PEX5: variants seen among roughly 807,000 people sequenced by gnomAD.
PEX5 encodes the protein peroxisomal biogenesis factor 5, also known as PTS1 receptor.
A neutral mutation model predicts 82.9 loss-of-function variants in PEX5; 52 were observed. That is an observed-to-expected ratio of 0.63 (90% CI 0.50 to 0.79). The LOEUF (loss-of-function observed/expected upper bound fraction) is 0.79. Among genes scored for constraint, PEX5 ranks in the 30% least tolerant of loss-of-function variants. The pLI is 0.00. For synonymous variants in PEX5, 300 were observed against 318.8 expected, an observed-to-expected ratio of 0.94 and a Z score of 0.63; for missense variants, 719 against 815.2, an observed-to-expected ratio of 0.88 and a Z score of 1.44.
rs767347186 is a variant in PEX5, at chr12:7,202,268, G to A, written c.670G>A (p.Glu224Lys). Residue 224 changes from glutamate to lysine, a missense_variant, in exon 8 of 16, where the codon GAA becomes AAA. By Grantham distance (56) the Glu-to-Lys change is moderately conservative. Transcript: ENST00000675855. ...CCTGAAATTCGTGCGGCAGATTGGCGAAGGGCAGGTGTCCCTGGAGTCCGG... is the reference window on the plus strand; with the variant it reads ...CCTGAAATTCGTGCGGCAGATTGGCAAAGGGCAGGTGTCCCTGGAGTCCGG... ...EFLKFVRQIG[E>K]GQVSLESGAG... The A allele has an allele frequency of 2.8e-5, 45 of 1,614,130 alleles. No homozygotes were observed. The African/African-American group carries it at 4.1e-4, about 15-fold the overall frequency.
chr12:7,215,349 A>G (rs1482364848), downstream of PEX5, among the ~76,000 whole-genome samples: 1 of 152,172 alleles, frequency 6.6e-6, no homozygotes, highest in Non-Finnish European at 1.5e-5. Context: ...AAATTTCTCA[A>G]AGAACTTAGA....
At chr12:7,206,274 G>C (rs1024628554) in intron 10 of PEX5, among the ~76,000 whole-genome samples, 1 of 152,202 alleles carries the variant, frequency 6.6e-6, no homozygotes, top group Non-Finnish European at 1.5e-5. Context: ...GTAATACTTT[G>C]TGACAAGTGA....
downstream of PEX5, among the ~76,000 whole-genome samples, chr12:7,214,381 A>G (rs1194674496): frequency 2.0e-5 from 3 of 152,136 alleles, no homozygotes; most frequent in Admixed American, 6.5e-5. Flanking sequence ...ATGGAATACT[A>G]TGCAGCCGTA....
At chr12:7,200,662 C>T (rs1414313264) in intron 6 of PEX5, among the ~76,000 whole-genome samples, 1 of 151,918 alleles carries the variant, frequency 6.6e-6, no homozygotes, top group Admixed American at 6.5e-5. Context: ...CCGAGGCTGG[C>T]GGATCACTCG....
At position 7,191,568 on chromosome 12, in the gene PEX5, GC is replaced by G. The variant is rs776441182; in HGVS notation, c.320del (p.Pro107LeufsTer25). ...QSNFRQAPQR[A>X]PGVADLALSE... ...TTAGTTTTCTCTCTCTCTCTTTTAAGCCCCTGGTGTGGCAGACTTGGCCTTG... is the reference window on the plus strand; with the variant it reads ...TTAGTTTTCTCTCTCTCTCTTTTAAGCCCTGGTGTGGCAGACTTGGCCTTG... On this transcript the variant is annotated frameshift_variant and splice_region_variant, in exon 5 of 16. Coordinates refer to ENST00000675855, the MANE Select transcript of PEX5 (RefSeq NM_001351132.2). LOFTEE classifies it high-confidence loss of function. 6.2e-7 allele frequency: 1 copy of G among 1,614,038 alleles called. No individual in the cohort carries two copies. Among genetic ancestry groups the G allele is most frequent in the Non-Finnish European group, 8.5e-7 (1 of 1,179,978 alleles).
chr12:7,211,277 G>T lies in PEX5; in HGVS notation c.*1054G>T, dbSNP rs1233053786. The T allele has an allele frequency of 1.3e-5, 2 of 152,530 alleles. No individual in the cohort carries two copies. The highest frequency in any genetic ancestry group is 6.5e-5 in the Admixed American group (1 of 15,272). The allele number at this position is 152,530 out of a possible 1,614,324, so 9.4% of individuals were successfully genotyped here. ...TCTTCTCAGTTGTCCCCTGCATGGG[G>T]AGATACACTAACCCCCAGAAATGAC... is the stretch of plus-strand genomic sequence containing the variant. On this transcript the variant is annotated 3_prime_UTR_variant, in exon 16 of 16. Transcript: ENST00000675855.
At chr12:7,212,667 G>A (rs1945656034), downstream of PEX5, 1 of 152,090 alleles carries the variant, frequency 6.6e-6, no homozygotes, top group Non-Finnish European at 1.5e-5. Context: ...AGAAAAAAAT[G>A]CATTGAAAAG....
At chr12:7,200,270 G>A (rs758115583) in intron 6 of PEX5, among the ~76,000 whole-genome samples, 97 of 151,022 alleles carry the variant, frequency 6.4e-4, no homozygotes, top group Middle Eastern at 3.4e-3. Context: ...GGGCAGAGGC[G>A]CTCCTCACAT....
At position 7,202,316 on chromosome 12, in the gene PEX5, G is replaced by C. The variant is rs778767381; in HGVS notation, c.718G>C (p.Ala240Pro). The change falls in exon 8 of 16, where the codon GCA (alanine) becomes CCA (proline). Residue 240 changes from alanine to proline, a missense_variant. Transcript: ENST00000675855. ...ESGAGSGRAQAEQWAAEFIQQ... is the reference protein window; with the variant it reads ...ESGAGSGRAQPEQWAAEFIQQ... ...CGGTGCAGGGTCGGGCCGAGCTCAGGCAGAACAGTGGGCAGCAGAGTTTAT... is the reference window on the plus strand; with the variant it reads ...CGGTGCAGGGTCGGGCCGAGCTCAGCCAGAACAGTGGGCAGCAGAGTTTAT... The C allele has an allele frequency of 3.7e-6, 6 of 1,614,136 alleles. No individual in the cohort carries two copies. The East Asian group carries it at 1.3e-4, about 36-fold the overall frequency.
downstream of PEX5, among the ~76,000 whole-genome samples, chr12:7,215,635 C>T (rs1249538237): frequency 2.0e-5 from 3 of 152,100 alleles, no homozygotes; most frequent in Admixed American, 6.5e-5. Context: ...CAAATTAACA[C>T]GGGAACAGAA....
chr12:7,199,411 A>T (rs4592497), intron 6 of PEX5, among the ~76,000 whole-genome samples: 13 of 143,794 alleles, frequency 9.0e-5, no homozygotes, highest in Admixed American at 2.8e-4. Context: ...TGACTCTTAA[A>T]GAGCATGCTG....
rs1364575563 is a variant in PEX5, at chr12:7,193,299, T to A, written c.448+1599T>A. Among the ~76,000 whole-genome samples the A allele has an allele frequency of 1.3e-5, 2 of 148,282 alleles. 1 individual carries two copies. Among genetic ancestry groups the A allele is most frequent in the Non-Finnish European group, 3.0e-5 (2 of 67,596 alleles). On this transcript the variant is annotated intron_variant, in intron 5 of 15. Transcript: ENST00000675855. ...CCCAGGGTGGAGTGCAGCGGTGCAA[T>A]CTGTACGCACTGCAACCTCTGCCTC...
At chr12:7,202,560 T>C in intron 8 of PEX5, 52 bp from the exon 9 acceptor site, 2 of 1,517,474 alleles carry the variant, frequency 1.3e-6, no homozygotes, top group Non-Finnish European at 1.8e-6. Flanking sequence ...AGTGTGCGTC[T>C]GATGGATAGA....
intron 17 of PEX5, among the ~76,000 whole-genome samples, chr12:7,217,830 T>C (rs1305035167): frequency 1.3e-5 from 2 of 152,182 alleles, no homozygotes; most frequent in East Asian, 3.9e-4. Flanking sequence ...GCGAGTGTCC[T>C]GCATGTGCAC....
Position 7,202,644 on chromosome 12 carries a change from A to G in PEX5, c.786A>G (p.Thr262=). ...GTSDAWVDQF[T]RPVNTSALDM... is the part of the protein sequence containing the mutation. ...CAGATGCCTGGGTTGACCAGTTCAC[A>G]AGACCAGTAAACACATCTGCCCTTG... The change falls in exon 9 of 16, where the codon ACA becomes ACG. Residue 262 remains threonine (T), a synonymous_variant. Transcript: ENST00000675855. 1.9e-6 allele frequency: 3 copies of G among 1,614,190 alleles called. No individual in the cohort carries two copies. The highest frequency in any genetic ancestry group is 8.5e-7 in the Non-Finnish European group (1 of 1,180,018).
chr12:7,213,358 CATGGTACTGGTACCAAAACAGA>C (rs1945679816), downstream of PEX5, among the ~76,000 whole-genome samples: 3 of 151,580 alleles, frequency 2.0e-5, no homozygotes, highest in South Asian at 6.3e-4. Flanking sequence ...ACCAAAACAG[CATGGTACTGGTACCAAAACAGA>C]GATATAGATC....
chr12:7,209,173 G>T lies in PEX5; in HGVS notation c.1560+3G>T. On this transcript the variant is annotated splice_donor_region_variant and intron_variant, in intron 14 of 15. Coordinates refer to ENST00000675855, the MANE Select transcript of PEX5 (RefSeq NM_001351132.2). Reference sequence around the variant, plus strand: ...CTGCCCTCAGCGTTCGTCCCAATGTGAGCCCAGGGGAGGAATGGAAATGGG... The same window carrying T: ...CTGCCCTCAGCGTTCGTCCCAATGTTAGCCCAGGGGAGGAATGGAAATGGG... 1 of 1,613,420 alleles carries T rather than the reference G, an allele frequency of 6.2e-7. No individual in the cohort carries two copies. Among genetic ancestry groups the T allele is most frequent in the Non-Finnish European group, 8.5e-7 (1 of 1,179,756 alleles).
intron 6 of PEX5, among the ~76,000 whole-genome samples, chr12:7,201,184 C>T (rs1319953732): frequency 1.4e-5 from 2 of 146,188 alleles, no homozygotes; most frequent in South Asian, 2.2e-4. Flanking sequence ...CATATGTACA[C>T]ACGCATACAT....
chr12:7,199,850 T>C (rs1420244393), intron 6 of PEX5, among the ~76,000 whole-genome samples: 1 of 121,812 alleles, frequency 8.2e-6, no homozygotes, highest in Non-Finnish European at 1.8e-5. Flanking sequence ...CCCACCTCCC[T>C]CCCGGACGGG....
Sources: gnomAD v4.1 joint callset for allele counts (sites outside exome capture counted in the v4.1 genomes callset) on GRCh38, gnomAD v4.1.1 for gene constraint, MANE v1.5 for transcripts, NCBI Gene and HGNC (gene_info 2026-07-23, HGNC 2026-07-21) for gene names.